The following GRK5 variants were observed in gnomAD, a reference collection of about 807,000 sequenced individuals.
The protein encoded by GRK5 is G protein-coupled receptor kinase 5.
A neutral mutation model predicts 78.4 loss-of-function variants in GRK5; 40 were observed. That is an observed-to-expected ratio of 0.51 (90% CI 0.40 to 0.66). The LOEUF is 0.66. GRK5 is among the 30% of genes least tolerant of loss of function. The pLI, the probability that GRK5 is intolerant of heterozygous loss-of-function variation, is 0.00. For synonymous variants in GRK5, 289 were observed against 296.8 expected (o/e 0.97, Z 0.27); for missense variants, 598 against 759.9 (o/e 0.79, Z 2.50).
intron 8 of GRK5, among the ~76,000 whole-genome samples, chr10:119,433,746 G>A (rs1030586400): frequency 2.6e-5 from 4 of 152,206 alleles, no homozygotes; most frequent in African/African-American, 9.6e-5. Flanking sequence ...ACCTTCTGGT[G>A]TAATTTGCCC....
In GRK5 at chr10:119,325,144, T is replaced by A. The variant is rs963905519; in HGVS notation, c.53-1372T>A. ...GCTAATCAGGGCTATGACCTTGCTT[T>A]CCAGGATAGCTTGGATGACAGTTAA... On this transcript the variant is annotated intron_variant, in intron 1 of 15. Coordinates refer to ENST00000392870, the MANE Select transcript of GRK5 (RefSeq NM_005308.3). Among the ~76,000 whole-genome samples the A allele has an allele frequency of 1.1e-3, 173 of 152,374 alleles. 1 individual carries two copies. The highest frequency in any genetic ancestry group is 3.9e-3 in the African/African-American group (162 of 41,598).
At chr10:119,311,276 G>A (rs1850355159) in intron 1 of GRK5, among the ~76,000 whole-genome samples, 1 of 152,176 alleles carries the variant, frequency 6.6e-6, no homozygotes, top group Admixed American at 6.5e-5. Flanking sequence ...AGAGACAGGA[G>A]GGAACCAAAC....
At chr10:119,294,658 G>T (rs573517383) in intron 1 of GRK5, among the ~76,000 whole-genome samples, 1 of 152,178 alleles carries the variant, frequency 6.6e-6, no homozygotes, top group African/African-American at 2.4e-5. Flanking sequence ...AGGGAGGCAG[G>T]GGGAGACATA....
intron 1 of GRK5, among the ~76,000 whole-genome samples, chr10:119,263,251 C>T (rs946795065): frequency 5.3e-5 from 8 of 152,218 alleles, no homozygotes; most frequent in Admixed American, 5.2e-4. Context: ...AAGTGATCTG[C>T]CTGCCTTAGC....
At chr10:119,401,162 G>A (rs1309258926) in intron 4 of GRK5, among the ~76,000 whole-genome samples, 4 of 152,186 alleles carry the variant, frequency 2.6e-5, no homozygotes, top group African/African-American at 4.8e-5. Context: ...GGGGAGCCAC[G>A]CTTGGCGAGC....
Position 119,264,719 on chromosome 10 carries a change from A to G in GRK5, c.52+56750A>G, listed in dbSNP as rs6585541. Reference sequence around the variant, plus strand: ...GCAGGGCCCTGATCAGCAGCCTGGCATTGTAAGTGGGGTAGGACTATTCTT... The same window carrying G: ...GCAGGGCCCTGATCAGCAGCCTGGCGTTGTAAGTGGGGTAGGACTATTCTT... On this transcript the variant is annotated intron_variant, in intron 1 of 15. Transcript: ENST00000392870. The surrounding 1 kb of genome is among the most constrained non-coding windows in gnomAD (Gnocchi z 4.1). Among the ~76,000 whole-genome samples the G allele has an allele frequency of 0.97, 148,370 of 152,268 alleles. 72,397 individuals carry two copies. The highest frequency in any genetic ancestry group is 1 in the South Asian group (4,817 of 4,818).
chr10:119,295,022 C>T (rs1040527365), intron 1 of GRK5, among the ~76,000 whole-genome samples: 1 of 151,872 alleles, frequency 6.6e-6, no homozygotes, highest in Admixed American at 6.6e-5. Context: ...AACTCTGTCT[C>T]TACTAAAAAT....
chr10:119,217,164 T>C lies in GRK5; in HGVS notation c.52+9195T>C, dbSNP rs1216733391. Among the ~76,000 whole-genome samples the C allele has an allele frequency of 6.6e-6, 1 of 152,156 alleles. No individual in the cohort carries two copies. Among genetic ancestry groups the C allele is most frequent in the Admixed American group, 6.5e-5 (1 of 15,276 alleles). On this transcript the variant is annotated intron_variant, in intron 1 of 15. Transcript: ENST00000392870. The surrounding 1 kb of genome is among the most constrained non-coding windows in gnomAD (Gnocchi z 4.1). ...AGTGTAAATACCCATGAGGTTGTAATTGTGGAAGAGAAAGAGTGTCTTTGT... is the reference window on the plus strand; with the variant it reads ...AGTGTAAATACCCATGAGGTTGTAACTGTGGAAGAGAAAGAGTGTCTTTGT...
At chr10:119,213,762 C>G (rs1207939177) in intron 1 of GRK5, among the ~76,000 whole-genome samples, 1 of 152,122 alleles carries the variant, frequency 6.6e-6, no homozygotes, top group Non-Finnish European at 1.5e-5. Flanking sequence ...CCTGACTGGA[C>G]CCTTCCCCCA....
chr10:119,235,325 T>G (rs1406379301), intron 1 of GRK5, among the ~76,000 whole-genome samples: 2 of 152,188 alleles, frequency 1.3e-5, no homozygotes, highest in Non-Finnish European at 2.9e-5. Context: ...TTGATTTGCC[T>G]ATTATCCCTG....
chr10:119,209,487 G>GTT (rs60169912), intron 1 of GRK5, among the ~76,000 whole-genome samples: 3,186 of 98,544 alleles, frequency 0.032, 449 homozygotes, highest in Non-Finnish European at 0.044. Context: ...TGTGTGTGTG[G>GTT]TTTTTTTTTT....
chr10:119,393,326 C>A (rs112679975), intron 3 of GRK5, among the ~76,000 whole-genome samples: 1 of 152,250 alleles, frequency 6.6e-6, no homozygotes, highest in Non-Finnish European at 1.5e-5. Context: ...GCCCATCCAC[C>A]GGCGGGGCCT....
rs932129020 is a variant in GRK5 at position 119,253,232 on chromosome 10, C to T, written c.52+45263C>T. ...GAGGGTCTGTTGAGATTACAGAGGC[C>T]CTTGATAGAGTCCGAAATTTGAAGG... On this transcript the variant is annotated intron_variant, in intron 1 of 15. Coordinates refer to ENST00000392870, the MANE Select transcript of GRK5 (RefSeq NM_005308.3). The surrounding 1 kb of genome is among the most constrained non-coding windows in gnomAD (Gnocchi z 5.7). Among the ~76,000 whole-genome samples, 3 of 152,094 alleles carry T rather than the reference C, an allele frequency of 2.0e-5. No homozygotes were observed. The highest frequency in any genetic ancestry group is 2.9e-5 in the Non-Finnish European group (2 of 68,016).
chr10:119,274,472 AG>A (rs1208407036), intron 1 of GRK5, among the ~76,000 whole-genome samples: 1 of 152,210 alleles, frequency 6.6e-6, no homozygotes, highest in Non-Finnish European at 1.5e-5. Flanking sequence ...TTCCTTCAGA[AG>A]GTGACCAACC....
intron 6 of GRK5, among the ~76,000 whole-genome samples, chr10:119,428,934 G>T (rs899011171): frequency 6.6e-6 from 1 of 152,220 alleles, no homozygotes; most frequent in Admixed American, 6.5e-5. Context: ...GGAGTTCTGC[G>T]GAGATGTCAA....
intron 12 of GRK5, among the ~76,000 whole-genome samples, chr10:119,444,457 T>G (rs1412572682): frequency 6.6e-6 from 1 of 152,134 alleles, no homozygotes; most frequent in Non-Finnish European, 1.5e-5. Context: ...CTCAGGCCCT[T>G]CCCTGGGAAC....
chr10:119,389,405 T>C (rs1269246211), intron 3 of GRK5, among the ~76,000 whole-genome samples: 1 of 152,236 alleles, frequency 6.6e-6, no homozygotes, highest in East Asian at 1.9e-4. Flanking sequence ...AGGGTGCTTA[T>C]AGTTTTTCAG....
At chr10:119,401,876 C>A (rs549417503) in intron 4 of GRK5, among the ~76,000 whole-genome samples, 1 of 152,326 alleles carries the variant, frequency 6.6e-6, no homozygotes, top group African/African-American at 2.4e-5. Context: ...CCACAACAAA[C>A]AAACCCCCAA....
chr10:119,354,454 T>C (rs767475063), intron 2 of GRK5, among the ~76,000 whole-genome samples: 7 of 139,148 alleles, frequency 5.0e-5, no homozygotes, highest in Non-Finnish European at 9.0e-5. Flanking sequence ...CAGGCTGGAG[T>C]GCAGTGGCGC....
Sources: allele counts gnomAD v4.1 joint callset (sites outside exome capture counted in the v4.1 genomes callset), GRCh38; gene constraint gnomAD v4.1.1; non-coding constraint Gnocchi (gnomAD v3.1); transcripts MANE v1.5; gene names NCBI Gene and HGNC (gene_info 2026-07-23, HGNC 2026-07-21).